Variants in TRIP11 observed in about 807,000 individuals in gnomAD.
TRIP11 encodes thyroid receptor-interacting protein 11.
A neutral mutation model predicts 223.1 loss-of-function variants in TRIP11; 148 were observed. The ratio of observed to expected loss-of-function variants is 0.66; its 90% CI spans 0.58 to 0.76. TRIP11 has a LOEUF of 0.76. TRIP11 is among the 30% of genes least tolerant of loss of function. TRIP11 has a pLI of 0.00. For missense variants in TRIP11, 2,043 were observed against 2,222.0 expected, an observed-to-expected ratio of 0.92 and a Z score of 1.62; for synonymous variants, 762 against 772.6, an observed-to-expected ratio of 0.99 and a Z score of 0.23.
At position 92,003,697 on chromosome 14, in the gene TRIP11, T is replaced by C; in HGVS notation, c.4279A>G (p.Asn1427Asp). The C allele has an allele frequency of 1.2e-6, 2 of 1,614,162 alleles. No individual in the cohort carries two copies. Among genetic ancestry groups the C allele is most frequent in the Non-Finnish European group, 1.7e-6 (2 of 1,180,016 alleles). Residue 1427 changes from asparagine (N) to aspartate (D), a missense_variant, in exon 11 of 21, where the codon AAT becomes GAT. Physicochemically the swap from Asn to Asp is conservative, Grantham distance 23 (BLOSUM62 1). Transcript: ENST00000267622. ...TTTACTTTGTTAGTGAAATTTTCAT[T>C]GGAAGAAAGTAGTTGATCACTTTTG... ...KAKSDQLLSS[N>D]ENFTNKVNEN...
chr14:92,036,077 T>C (rs2057322472), intron 1 of TRIP11, among the ~76,000 whole-genome samples: 1 of 152,166 alleles, frequency 6.6e-6, no homozygotes, highest in African/African-American at 2.4e-5. Flanking sequence ...ACATCTGTGG[T>C]TGGTTGTACA....
chr14:92,036,592 G>C (rs552592245), intron 1 of TRIP11, among the ~76,000 whole-genome samples: 11 of 152,132 alleles, frequency 7.2e-5, no homozygotes, highest in African/African-American at 2.7e-4. Context: ...AGGTAAAACT[G>C]CAACCTTCTG....
At chr14:91,971,108 TA>T (rs966701385) in intron 20 of TRIP11, among the ~76,000 whole-genome samples, 1 of 152,226 alleles carries the variant, frequency 6.6e-6, no homozygotes, top group African/African-American at 2.4e-5. Context: ...GGTAAATTCC[TA>T]ATGTCTTAGT....
Position 92,014,515 on chromosome 14 carries a change from C to T in TRIP11, c.886G>A (p.Val296Ile). ...KIYEMQKTIQ[V>I]LQIEKVESTK... is the part of the protein sequence containing the mutation. ...GACTCCACTTTTTCTATTTGTAGAA[C>T]TTGAATAGTTTTTTGCATCTCATAG... The change falls in exon 7 of 21, where the codon GTT (valine) becomes ATT (isoleucine). Residue 296 changes from valine (V) to isoleucine (I), a missense_variant. By Grantham distance (29) the Val-to-Ile change is conservative (BLOSUM62 3). Transcript: ENST00000267622. The T allele has an allele frequency of 6.3e-7, 1 of 1,599,514 alleles. No individual in the cohort carries two copies. Among genetic ancestry groups the T allele is most frequent in the Non-Finnish European group, 8.5e-7 (1 of 1,176,612 alleles).
At chr14:92,034,495 G>T (rs762411078) in intron 1 of TRIP11, among the ~76,000 whole-genome samples, 2 of 151,546 alleles carry the variant, frequency 1.3e-5, no homozygotes, top group Admixed American at 6.6e-5. Context: ...CAGTGCTCCT[G>T]CTCTGTCACT....
chr14:92,034,037 G>A (rs1414356265), intron 1 of TRIP11, among the ~76,000 whole-genome samples: 7 of 152,166 alleles, frequency 4.6e-5, no homozygotes, highest in Non-Finnish European at 1.0e-4. Context: ...CTTTGTGCCC[G>A]AGCACTCCCT....
chr14:91,981,044 A>T (rs574066729), intron 16 of TRIP11, among the ~76,000 whole-genome samples: 7 of 105,412 alleles, frequency 6.6e-5, no homozygotes, highest in African/African-American at 2.9e-4. Context: ...TTTGAGACAG[A>T]GTCTTACTCT....
intron 2 of TRIP11, among the ~76,000 whole-genome samples, chr14:92,028,968 C>T (rs922420887): frequency 6.6e-6 from 1 of 152,108 alleles, no homozygotes; most frequent in African/African-American, 2.4e-5. Context: ...TCTGAGGGGT[C>T]TACCAACAAA....
chr14:92,016,055 A>G (rs992519937), intron 5 of TRIP11, among the ~76,000 whole-genome samples, 194 bp from the exon 6 acceptor site: 4 of 152,210 alleles, frequency 2.6e-5, no homozygotes, highest in African/African-American at 9.7e-5. Context: ...TTAGGTCTCA[A>G]AAACAGTTTT....
At chr14:91,999,153 G>T (rs1940728456) in intron 13 of TRIP11, 87 bp downstream of exon 13, 2 of 1,407,068 alleles carry the variant, frequency 1.4e-6, no homozygotes, top group Admixed American at 3.8e-5. Context: ...ATTTTGCAAG[G>T]ATGAGCTAAC....
intron 7 of TRIP11, among the ~76,000 whole-genome samples, chr14:92,013,355 A>G (rs2056996972): frequency 6.6e-6 from 1 of 152,202 alleles, no homozygotes; most frequent in Non-Finnish European, 1.5e-5. Flanking sequence ...AACTCATATA[A>G]TCCTCATTAC....
In TRIP11 at chr14:92,003,573, A is replaced by AT; in HGVS notation, c.4402dup (p.Ile1468AsnfsTer19). 1 of 1,613,882 alleles carries AT rather than the reference A, an allele frequency of 6.2e-7. No individual in the cohort carries two copies. ...TTCCTTTCCCCTGTATGTTTCCACT[A>AT]TTTTTTCATTTTCTCCTTTTAGTTT... On this transcript the variant is annotated frameshift_variant, in exon 11 of 21. Coordinates refer to ENST00000267622, the MANE Select transcript of TRIP11 (RefSeq NM_004239.4). LOFTEE classifies it high-confidence loss of function.
chr14:92,022,502 A>G (rs763222671), intron 3 of TRIP11, among the ~76,000 whole-genome samples: 2 of 152,246 alleles, frequency 1.3e-5, no homozygotes, highest in Non-Finnish European at 2.9e-5. Flanking sequence ...CTATTTAGGA[A>G]GAGAACAGTT....
chr14:92,032,659 C>G (rs2057280694), intron 2 of TRIP11, among the ~76,000 whole-genome samples: 1 of 151,714 alleles, frequency 6.6e-6, no homozygotes, highest in Non-Finnish European at 1.5e-5. Flanking sequence ...GTGGTGAAAC[C>G]CTGTCTCTAC....
At chr14:92,007,951 T>G (rs1215142383) in intron 9 of TRIP11, 99 bp from the exon 10 acceptor site, 1 of 856,948 alleles carries the variant, frequency 1.2e-6, no homozygotes, top group Non-Finnish European at 1.8e-6. Context: ...TCTATTTAAG[T>G]GCTCTATATT....
rs1445730896 is a variant in TRIP11, at chr14:91,967,164, CAG to C, written c.*2507_*2508del. The C allele has an allele frequency of 1.1e-5, 1 of 89,264 alleles. No individual in the cohort carries two copies. The highest frequency in any genetic ancestry group is 1.9e-5 in the Non-Finnish European group (1 of 52,272). 5.5% of individuals were successfully genotyped at this position (89,264 alleles called of 1,614,324 possible). ...TTTTTTTTTTTTTTTTTTTTTGAGA[CAG>C]AGTCTCGCTCTGTCGCTCAGGCTGG... On this transcript the variant is annotated 3_prime_UTR_variant, in exon 21 of 21. Transcript: ENST00000267622.
intron 1 of TRIP11, among the ~76,000 whole-genome samples, chr14:92,035,369 TC>T (rs908157844): frequency 5.3e-5 from 8 of 151,828 alleles, no homozygotes; most frequent in African/African-American, 1.9e-4. Flanking sequence ...AGATTTTTTT[TC>T]TAAGTACTAG....
In TRIP11 at chr14:92,005,895, TCTAA is replaced by T. The variant is rs1337409180; in HGVS notation, c.2077_2080del (p.Leu693LysfsTer21). The T allele has an allele frequency of 3.7e-6, 6 of 1,613,926 alleles. No individual in the cohort carries two copies. The highest frequency in any genetic ancestry group is 2.2e-5 in the East Asian group (1 of 44,860). On this transcript the variant is annotated frameshift_variant, in exon 11 of 21. Coordinates refer to ENST00000267622, the MANE Select transcript of TRIP11 (RefSeq NM_004239.4). LOFTEE classifies it high-confidence loss of function. ...CTGATTGTTACCAGCAAGACATTCT[TCTAA>T]CTGATGCCTCACATCTTCACATGCT...
In TRIP11 at chr14:91,999,282, T is replaced by A; in HGVS notation, c.4850A>T (p.Glu1617Val). 8 of 1,613,856 alleles carry A rather than the reference T, an allele frequency of 5.0e-6. No homozygotes were observed. The highest frequency in any genetic ancestry group is 6.8e-6 in the Non-Finnish European group (8 of 1,179,884). ...ATTAGAGGATGAAACTAGCTTTTCC[T>A]CCAATACTGTGACTTTCTTTCTTAG... ...AKLRKKVTVL[E>V]EKLVSSSNAM... is the part of the protein sequence containing the mutation. Residue 1617 changes from glutamate to valine, a missense_variant, in exon 13 of 21, where the codon GAG (glutamate) becomes GTG (valine). Glu to Val is a moderately radical substitution (Grantham distance 121). Transcript: ENST00000267622.
Sources: gnomAD v4.1 joint callset for allele counts (sites outside exome capture counted in the v4.1 genomes callset) on GRCh38, gnomAD v4.1.1 for gene constraint, MANE v1.5 for transcripts, NCBI Gene and HGNC (gene_info 2026-07-23, HGNC 2026-07-21) for gene names.